NUGGC: variants seen among roughly 807,000 people sequenced by gnomAD.
The protein encoded by NUGGC is nuclear GTPase, germinal center associated.
A neutral mutation model predicts 92.6 loss-of-function variants in NUGGC; 58 were observed. That is an observed-to-expected ratio of 0.63 (90% CI 0.51 to 0.78). The LOEUF is 0.78. NUGGC is among the 30% of genes least tolerant of loss of function. The probability of loss-of-function intolerance (pLI) is 0.00; values close to 1 mark genes in which losing one functional copy is unlikely to be tolerated. For missense variants in NUGGC, 925 were observed against 964.6 expected (o/e 0.96, Z 0.54); for synonymous variants, 376 against 366.4 (o/e 1.03, Z -0.30).
chr8:28,073,178 C>CTTT (rs34656742), intron 2 of NUGGC, among the ~76,000 whole-genome samples: 25 of 132,832 alleles, frequency 1.9e-4, no homozygotes, highest in African/African-American at 4.6e-4. Context: ...ATTTTTTTTT[C>CTTT]TTTTTTTTTT....
At chr8:28,059,635 G>A (rs956491436) in intron 8 of NUGGC, among the ~76,000 whole-genome samples, 7 of 152,024 alleles carry the variant, frequency 4.6e-5, no homozygotes, top group African/African-American at 9.7e-5. Flanking sequence ...TAACAAACCT[G>A]CACATCCTGC....
At chr8:28,034,362 T>C (rs1809500779) in intron 13 of NUGGC, among the ~76,000 whole-genome samples, 1 of 152,228 alleles carries the variant, frequency 6.6e-6, no homozygotes, top group Non-Finnish European at 1.5e-5. Flanking sequence ...AGTAAAAATG[T>C]GTTTGCTAAA....
At chr8:28,057,079 T>C (rs1810161336) in intron 9 of NUGGC, among the ~76,000 whole-genome samples, 1 of 152,158 alleles carries the variant, frequency 6.6e-6, no homozygotes, top group Non-Finnish European at 1.5e-5. Flanking sequence ...ACCCTAAATC[T>C]TGAATAACAC....
chr8:28,038,459 T>G (rs1809612127), intron 13 of NUGGC, among the ~76,000 whole-genome samples: 1 of 152,194 alleles, frequency 6.6e-6, no homozygotes, highest in East Asian at 1.9e-4. Context: ...ACGGCAACCC[T>G]ATAACATAGG....
Position 28,031,258 on chromosome 8 carries a change from A to AT in NUGGC, c.1892dup (p.Asn631LysfsTer36), listed in dbSNP as rs755498396. ...AGGAACGTACCTCCTGGATCAGGAAATTTTTTTTGCAGCTATCATATTTCC... is the reference window on the plus strand; with the variant it reads ...AGGAACGTACCTCCTGGATCAGGAAATTTTTTTTTGCAGCTATCATATTTCC... On this transcript the variant is annotated frameshift_variant, in exon 15 of 19. Transcript: ENST00000413272. LOFTEE classifies it high-confidence loss of function. The AT allele has an allele frequency of 1.9e-6, 3 of 1,613,466 alleles. No homozygotes were observed. Among genetic ancestry groups the AT allele is most frequent in the South Asian group, 1.1e-5 (1 of 91,068 alleles).
chr8:28,076,069 G>C (rs1810714935), intron 1 of NUGGC, among the ~76,000 whole-genome samples: 1 of 152,102 alleles, frequency 6.6e-6, no homozygotes, highest in Non-Finnish European at 1.5e-5. Context: ...TGTGTCCCCG[G>C]CTCCATACAC....
At chr8:28,045,347 T>G (rs563529468) in intron 12 of NUGGC, among the ~76,000 whole-genome samples, 180 bp downstream of exon 12, 1 of 152,342 alleles carries the variant, frequency 6.6e-6, no homozygotes, top group African/African-American at 2.4e-5. Flanking sequence ...TCCTTTCTCT[T>G]TTACCCAAAT....
In NUGGC at chr8:28,041,070, A is replaced by T; in HGVS notation, c.1592T>A (p.Ile531Asn). 1 of 1,605,664 alleles carries T rather than the reference A, an allele frequency of 6.2e-7. No individual in the cohort carries two copies. Among genetic ancestry groups the T allele is most frequent in the South Asian group, 1.1e-5 (1 of 89,034 alleles). Residue 531 changes from isoleucine to asparagine, a missense_variant, in exon 13 of 19, where the codon ATC (isoleucine) becomes AAC (asparagine). Transcript: ENST00000413272. ...ACTCACCACCAAGCATGCTCTGAGG[A>T]TGCAGCGGTAAGAAGTCCTGGCGGT... is the stretch of plus-strand genomic sequence containing the variant. Reference protein sequence around the residue: ...VRTARTSYRCILRACLVRSKG... With the variant: ...VRTARTSYRCNLRACLVRSKG...
Position 28,068,313 on chromosome 8 carries a change from G to A in NUGGC, c.383C>T (p.Pro128Leu). ...NAIIQQAMFL[P>L]VSGESICTSC... is the part of the protein sequence containing the mutation. ...AGTACATATGCTTTCTCCAGACACTGGTAGAAACATTGCTTGCTGGATGAT... is the reference window on the plus strand; with the variant it reads ...AGTACATATGCTTTCTCCAGACACTAGTAGAAACATTGCTTGCTGGATGAT... The change falls in exon 5 of 19, where the codon CCA (proline) becomes CTA (leucine). Residue 128 changes from proline (P) to leucine (L), a missense_variant. Physicochemically the swap from Pro to Leu is moderately conservative, Grantham distance 98 (BLOSUM62 -3). Transcript: ENST00000413272. The A allele has an allele frequency of 6.4e-7, 1 of 1,556,554 alleles. No individual in the cohort carries two copies. Among genetic ancestry groups the A allele is most frequent in the South Asian group, 1.2e-5 (1 of 84,280 alleles).
chr8:28,053,548 C>T lies in NUGGC; in HGVS notation c.1206+2417G>A, dbSNP rs114258778. The stretch of plus-strand genomic sequence containing the variant: ...AGTAAAGGTTTCACAATAATTCAAA[C>T]TGAAATAAAGTGGTTGGAGAATGAA... On this transcript the variant is annotated intron_variant, in intron 10 of 18. Transcript: ENST00000413272. 8.2e-3 allele frequency among the ~76,000 whole-genome samples: 1,241 copies of T among 152,058 alleles called. 21 individuals carry two copies. The highest frequency in any genetic ancestry group is 0.029 in the African/African-American group (1,211 of 41,470).
Position 28,067,722 on chromosome 8 carries a change from T to C in NUGGC, c.503A>G (p.Asn168Ser). ...SDQEWREELK[N>S]LTKLLHRTEE... ...CGTCCTATGCAGGAGTTTGGTCAGG[T>C]TCTTCAGCTCCTCCCTCCACTCCTG... The change falls in exon 6 of 19, where the codon AAC (asparagine) becomes AGC (serine). Residue 168 changes from asparagine to serine, a missense_variant. Physicochemically the swap from Asn to Ser is conservative, Grantham distance 46. Coordinates refer to ENST00000413272, the MANE Select transcript of NUGGC (RefSeq NM_001010906.2). The C allele has an allele frequency of 2.5e-6, 4 of 1,613,592 alleles. No homozygotes were observed. The highest frequency in any genetic ancestry group is 3.4e-6 in the Non-Finnish European group (4 of 1,179,694).
chr8:28,061,129 G>A (rs1810294575), intron 7 of NUGGC, among the ~76,000 whole-genome samples: 1 of 152,206 alleles, frequency 6.6e-6, no homozygotes, highest in Non-Finnish European at 1.5e-5. Flanking sequence ...GTCCCCTGGG[G>A]AAAATTCTTG....
Position 28,030,382 on chromosome 8 carries a change from G to T in NUGGC, c.1945C>A (p.Leu649Ile), listed in dbSNP as rs1809385136. ...TCGTAGATCCTCCTCTTCCTTCTGA[G>T]GATGTGGTCCTCCAGGCCCCCGAGG... ...AILGGLEDHI[L>I]RRKRRIYESL... The change falls in exon 16 of 19, where the codon CTC becomes ATC. Residue 649 changes from leucine to isoleucine, a missense_variant. By Grantham distance (5) the Leu-to-Ile change is conservative. Coordinates refer to ENST00000413272, the MANE Select transcript of NUGGC (RefSeq NM_001010906.2). 6.3e-7 allele frequency: 1 copy of T among 1,580,038 alleles called. No homozygotes were observed.
chr8:28,078,146 A>G (rs972494687), intron 1 of NUGGC, among the ~76,000 whole-genome samples: 2 of 152,216 alleles, frequency 1.3e-5, no homozygotes, highest in African/African-American at 2.4e-5. Context: ...AGCAGCATCT[A>G]TGGTTTCTGT....
At position 28,041,159 on chromosome 8, in the gene NUGGC, C is replaced by T; in HGVS notation, c.1503G>A (p.Leu501=). The part of the protein sequence containing the change: ...LRRFAEEKVE[L]LEKAIAQCFA... ...AGCACTGTGCGATGGCCTTCTCCAG[C>T]AGCTCAACCTTCTCTTCCGCAAATC... The change falls in exon 13 of 19, where the codon CTG becomes CTA. Residue 501 remains leucine (L), a synonymous_variant. Coordinates refer to ENST00000413272, the MANE Select transcript of NUGGC (RefSeq NM_001010906.2). The T allele has an allele frequency of 6.2e-7, 1 of 1,611,218 alleles. No homozygotes were observed. Among genetic ancestry groups the T allele is most frequent in the South Asian group, 1.1e-5 (1 of 90,044 alleles).
intron 6 of NUGGC, among the ~76,000 whole-genome samples, chr8:28,066,315 A>G (rs1196065026): frequency 1.3e-5 from 2 of 152,228 alleles, no homozygotes; most frequent in Non-Finnish European, 2.9e-5. Context: ...TTTTCCAGGT[A>G]TGCAAGAGAT....
chr8:28,035,338 TC>T (rs1809528370), intron 13 of NUGGC, among the ~76,000 whole-genome samples: 3 of 152,284 alleles, frequency 2.0e-5, no homozygotes, highest in Admixed American at 2.0e-4. Context: ...ACGCCTGTCA[TC>T]TCTCAGGGAT....
At position 28,031,679 on chromosome 8, in the gene NUGGC, C is replaced by CTT. The variant is rs144694046; in HGVS notation, c.1770-300_1770-299dup. Among the ~76,000 whole-genome samples, 421 of 152,354 alleles carry CTT rather than the reference C, an allele frequency of 2.8e-3. 4 individuals carry two copies. The highest frequency in any genetic ancestry group is 9.4e-3 in the African/African-American group (390 of 41,578). ...AGGCAGAGCCATGCTTGGAACACTG[C>CTT]TTTAACTACAGGACTCACAGTCTTT... On this transcript the variant is annotated intron_variant, in intron 14 of 18. Transcript: ENST00000413272.
At position 28,029,502 on chromosome 8, in the gene NUGGC, G is replaced by A. The variant is rs199741447; in HGVS notation, c.2018-100C>T. 544 of 1,354,956 alleles carry A rather than the reference G, an allele frequency of 4.0e-4. 6 individuals carry two copies. The South Asian group carries it at 6.4e-3, about 16-fold the overall frequency. The allele number at this position is 1,354,956 out of a possible 1,614,324, so 83.9% of individuals were successfully genotyped here. On this transcript the variant is annotated intron_variant, in intron 16 of 18. Transcript: ENST00000413272. ...GGTGGCTCACACCTGTAATCCCAGC[G>A]CTTTGGGAGGCTGAAGTGGGCAGAT... is the stretch of plus-strand genomic sequence containing the variant.
Sources: gnomAD v4.1 joint callset for allele counts (sites outside exome capture counted in the v4.1 genomes callset) on GRCh38, gnomAD v4.1.1 for gene constraint, MANE v1.5 for transcripts, NCBI Gene and HGNC (gene_info 2026-07-23, HGNC 2026-07-21) for gene names.